Variants in CXADR observed in about 807,000 individuals in gnomAD.
CXADR encodes coxsackievirus and adenovirus receptor.
In CXADR, 20 loss-of-function variants were observed where a neutral mutation model predicts 40.3. That is an observed-to-expected ratio of 0.50 (90% CI 0.35 to 0.72). The LOEUF (loss-of-function observed/expected upper bound fraction) is 0.72. Ranked by LOEUF, CXADR falls within the 30% of genes least tolerant of loss-of-function variation. The pLI is 0.01. For missense variants in CXADR, 332 were observed against 449.1 expected (o/e 0.74, Z 2.36); for synonymous variants, 150 against 161.3 (o/e 0.93, Z 0.53).
At chr21:17,594,213 A>G, downstream of CXADR, 1 of 1,613,336 alleles carries the variant, frequency 6.2e-7, no homozygotes, top group African/African-American at 1.3e-5. Context: ...CCTGATTTGG[A>G]TAACCAAATG....
chr21:17,609,627 AC>A, the CXADR span, among the ~76,000 whole-genome samples: 1 of 152,266 alleles, frequency 6.6e-6, no homozygotes, highest in African/African-American at 2.4e-5. Context: ...GAAAGGTTAA[AC>A]ACAGAGTTAT....
At chr21:17,628,634 G>A in the CXADR span, among the ~76,000 whole-genome samples, 4,097 of 152,216 alleles carry the variant, frequency 0.027, 130 homozygotes, top group East Asian at 0.16. Context: ...CCGAGTAGCT[G>A]GAATTACAGG....
chr21:17,527,804 AT>A (rs2060615858), intron 1 of CXADR, among the ~76,000 whole-genome samples: 1 of 149,480 alleles, frequency 6.7e-6, no homozygotes, highest in South Asian at 2.1e-4. Context: ...TTTTATTTTT[AT>A]TTATTTATTT....
intron 1 of CXADR, among the ~76,000 whole-genome samples, chr21:17,540,214 A>T (rs1168780979): frequency 6.6e-6 from 1 of 152,006 alleles, no homozygotes; most frequent in Non-Finnish European, 1.5e-5. Context: ...TTTAATCTTA[A>T]TCACTTCCTT....
At chr21:17,620,594 T>G in the CXADR span, among the ~76,000 whole-genome samples, 1 of 152,150 alleles carries the variant, frequency 6.6e-6, no homozygotes, top group Non-Finnish European at 1.5e-5. Context: ...AAACACTTGC[T>G]TGACACAAGA....
intron 7 of CXADR, among the ~76,000 whole-genome samples, chr21:17,584,777 G>A (rs879825724): frequency 6.6e-6 from 1 of 152,196 alleles, no homozygotes; most frequent in Non-Finnish European, 1.5e-5. Flanking sequence ...GTTGCAGTGA[G>A]CCGAGATTGC....
chr21:17,536,187 C>T (rs533988656), intron 1 of CXADR, among the ~76,000 whole-genome samples: 4 of 152,192 alleles, frequency 2.6e-5, no homozygotes, highest in African/African-American at 7.2e-5. Context: ...ATGAAGAATA[C>T]GTAGTTGTGA....
intron 7 of CXADR, among the ~76,000 whole-genome samples, chr21:17,592,385 A>T (rs1270323033): frequency 8.2e-6 from 1 of 121,806 alleles, no homozygotes; most frequent in Non-Finnish European, 1.7e-5. Flanking sequence ...ATGTAGTTAT[A>T]TTTTAAAATT....
chr21:17,595,517 T>A (rs1387969115), downstream of CXADR, among the ~76,000 whole-genome samples: 1 of 152,010 alleles, frequency 6.6e-6, no homozygotes, highest in Non-Finnish European at 1.5e-5. Flanking sequence ...AAAATATATA[T>A]GTATACTGGA....
intron 2 of CXADR, among the ~76,000 whole-genome samples, chr21:17,548,963 A>T (rs947314810): frequency 2.6e-5 from 4 of 152,186 alleles, no homozygotes; most frequent in African/African-American, 9.7e-5. Context: ...TGGAATTTAA[A>T]CTACATATGT....
At chr21:17,609,397 G>A in the CXADR span, among the ~76,000 whole-genome samples, 969 of 152,232 alleles carry the variant, frequency 6.4e-3, 59 homozygotes, top group East Asian at 0.13. Flanking sequence ...AAGATAGCAC[G>A]TTGCTCCTGT....
intron 1 of CXADR, among the ~76,000 whole-genome samples, 196 bp downstream of exon 1, chr21:17,513,368 A>ACTC (rs2060416323): frequency 6.6e-6 from 1 of 151,526 alleles, no homozygotes; most frequent in African/African-American, 2.4e-5. Context: ...TCCCGTAGGG[A>ACTC]GCCGCGCAGG....
chr21:17,543,893 T>C (rs576646760), intron 1 of CXADR, among the ~76,000 whole-genome samples: 60 of 152,152 alleles, frequency 3.9e-4, no homozygotes, highest in Non-Finnish European at 6.9e-4. Context: ...CCAGGCACAG[T>C]GGCTCAAGCC....
chr21:17,514,571 A>T (rs2123084343), intron 1 of CXADR, among the ~76,000 whole-genome samples: 1 of 152,026 alleles, frequency 6.6e-6, no homozygotes, highest in African/African-American at 2.4e-5. Context: ...CTGGGAAAAA[A>T]AAAAAAAATA....
intron 3 of CXADR, among the ~76,000 whole-genome samples, chr21:17,557,209 A>C (rs1169625081): frequency 6.6e-6 from 1 of 152,140 alleles, no homozygotes; most frequent in Non-Finnish European, 1.5e-5. Context: ...AGTTTATAGA[A>C]AACATTGTCT....
At chr21:17,536,415 TCTC>T (rs1395389591) in intron 1 of CXADR, among the ~76,000 whole-genome samples, 2 of 152,316 alleles carry the variant, frequency 1.3e-5, no homozygotes, top group African/African-American at 4.8e-5. Context: ...GTTCTTTGCT[TCTC>T]TGGATGCACA....
chr21:17,547,005 C>A (rs1272453719), intron 1 of CXADR, 22 bp from the exon 2 acceptor site: 3 of 1,611,296 alleles, frequency 1.9e-6, no homozygotes, highest in Non-Finnish European at 2.5e-6. Context: ...ATGCTTAGTC[C>A]CTTGTACATT....
At chr21:17,579,452 T>C (rs571697964) in intron 7 of CXADR, among the ~76,000 whole-genome samples, 11 of 152,084 alleles carry the variant, frequency 7.2e-5, no homozygotes, top group African/African-American at 2.6e-4. Context: ...ACCCAGCTAA[T>C]TTTTTGTATT....
rs759569781 is a variant in CXADR at position 17,561,397 on chromosome 21, C to T, written c.754C>T (p.Leu252Phe). 4.3e-6 allele frequency: 7 copies of T among 1,611,658 alleles called. No individual in the cohort carries two copies. Among genetic ancestry groups the T allele is most frequent in the Non-Finnish European group, 5.9e-6 (7 of 1,178,826 alleles). Residue 252 changes from leucine (L) to phenylalanine (F), a missense_variant, in exon 6 of 7, where the codon CTC becomes TTC. Leu to Phe is a conservative substitution (Grantham distance 22). Coordinates refer to ENST00000284878, the MANE Select transcript of CXADR (RefSeq NM_001338.5). Reference sequence around the variant, plus strand: ...TATAGGAACTTTGCTTGCTCTAGCGCTCATTGGTCTTATCATCTTTTGCTG... The same window carrying T: ...TATAGGAACTTTGCTTGCTCTAGCGTTCATTGGTCTTATCATCTTTTGCTG... The part of the protein sequence containing the change: ...AIIGTLLALA[L>F]IGLIIFCCRK...
Sources: gnomAD v4.1 joint callset for allele counts (sites outside exome capture counted in the v4.1 genomes callset) on GRCh38, gnomAD v4.1.1 for gene constraint, MANE v1.5 for transcripts, NCBI Gene and HGNC (gene_info 2026-07-23, HGNC 2026-07-21) for gene names.